ISM1: variants seen among roughly 807,000 people sequenced by gnomAD.
ISM1 encodes the protein isthmin 1, also known as isthmin-1.
ISM1 carries 25 observed loss-of-function variants against 46.3 expected under a neutral mutation model. The ratio of observed to expected loss-of-function variants is 0.54; its 90% CI spans 0.39 to 0.75. The LOEUF is 0.75. Ranked by LOEUF, ISM1 falls within the 30% of genes least tolerant of loss-of-function variation. The pLI, the probability that ISM1 is intolerant of heterozygous loss-of-function variation, is 0.00. For synonymous variants in ISM1, 255 were observed against 256.7 expected, an observed-to-expected ratio of 0.99 and a Z score of 0.06; for missense variants, 536 against 625.4, an observed-to-expected ratio of 0.86 and a Z score of 1.52.
At chr20:13,292,490 A>G (rs1411564667) in intron 5 of ISM1, 27 bp downstream of exon 5, 6 of 1,403,936 alleles carry the variant, frequency 4.3e-6, no homozygotes, top group Non-Finnish European at 5.9e-6. Context: ...TTTTAATCCA[A>G]ATATTGACTT....
At chr20:13,281,355 C>A (rs2040236421) in intron 3 of ISM1, among the ~76,000 whole-genome samples, 1 of 152,162 alleles carries the variant, frequency 6.6e-6, no homozygotes, top group Non-Finnish European at 1.5e-5. Context: ...GCTCATGAAA[C>A]CTTCACCTTT....
rs1292328079 is a variant in ISM1, at chr20:13,299,225, C to T, written c.1161C>T (p.Tyr387=). Residue 387 remains tyrosine, a synonymous_variant, in exon 6 of 6, where the codon TAC becomes TAT. Transcript: ENST00000262487. This position sits in a 1 kb window ranked among gnomAD's most constrained non-coding sequence, Gnocchi z 5.8. ...CGCTGGCGGCACAGCACTGCTGCTA[C>T]GGCGACAACATGCAGCTCATCACCA... ...STTLAAQHCC[Y]GDNMQLITRG... is the part of the protein sequence containing the mutation. 5 of 1,600,574 alleles carry T rather than the reference C, an allele frequency of 3.1e-6. No individual in the cohort carries two copies. The highest frequency in any genetic ancestry group is 1.3e-5 in the African/African-American group (1 of 74,592).
chr20:13,287,331 C>T (rs1338901446), intron 3 of ISM1, among the ~76,000 whole-genome samples: 3 of 152,126 alleles, frequency 2.0e-5, no homozygotes, highest in Non-Finnish European at 4.4e-5. Flanking sequence ...CATCAGATCT[C>T]GTGAGACTTA....
At position 13,221,586 on chromosome 20, in the gene ISM1, C is replaced by T. The variant is rs1210502183; in HGVS notation, c.-191C>T. On this transcript the variant is annotated 5_prime_UTR_variant, in exon 1 of 6. Transcript: ENST00000262487. The stretch of plus-strand genomic sequence containing the variant: ...GGCGGCGGCGGCGGCGCCGGCAGCT[C>T]CTGCTCCCCCGGCCCCGCACACCCC... Among the ~76,000 whole-genome samples the T allele has an allele frequency of 2.7e-5, 4 of 145,754 alleles. No homozygotes were observed. The highest frequency in any genetic ancestry group is 4.6e-5 in the Non-Finnish European group (3 of 65,638).
chr20:13,293,538 A>G (rs1215420720), intron 5 of ISM1, among the ~76,000 whole-genome samples: 2 of 151,930 alleles, frequency 1.3e-5, no homozygotes, highest in Non-Finnish European at 2.9e-5. Flanking sequence ...TTTGGGAGCT[A>G]ATTTGGTGAA....
At chr20:13,274,676 C>A (rs892847656) in intron 2 of ISM1, among the ~76,000 whole-genome samples, 27 of 151,846 alleles carry the variant, frequency 1.8e-4, no homozygotes, top group African/African-American at 6.5e-4. Flanking sequence ...CCCCGCCCCC[C>A]CCGCGCCCGG....
chr20:13,299,307 CACT>C lies in ISM1; in HGVS notation c.1246_1248del (p.Tyr416del). ...CAGCACCGAGTTCTCCGCGGAGCTC[CACT>C]ACAAGGTGGACGTCCTGCCCTGGAT... On this transcript the variant is annotated inframe_deletion, in exon 6 of 6. Transcript: ENST00000262487. The surrounding 1 kb of genome is among the most constrained non-coding windows in gnomAD (Gnocchi z 5.8). 1 of 1,613,770 alleles carries C rather than the reference CACT, an allele frequency of 6.2e-7. No individual in the cohort carries two copies. The highest frequency in any genetic ancestry group is 1.1e-5 in the South Asian group (1 of 91,066).
At chr20:13,288,895 C>G (rs1230756539) in intron 4 of ISM1, among the ~76,000 whole-genome samples, 2 of 152,146 alleles carry the variant, frequency 1.3e-5, no homozygotes, top group Non-Finnish European at 2.9e-5. Context: ...AGCAATTCTC[C>G]TGCCTCAGCC....
chr20:13,290,242 A>T (rs1197857385), intron 4 of ISM1, among the ~76,000 whole-genome samples: 1 of 152,134 alleles, frequency 6.6e-6, no homozygotes, highest in Non-Finnish European at 1.5e-5. Context: ...TGTAGAAATA[A>T]GCAATAAATA....
chr20:13,312,279 C>T, the ISM1 span, among the ~76,000 whole-genome samples: 41 of 152,206 alleles, frequency 2.7e-4, no homozygotes, highest in East Asian at 6.0e-3. Flanking sequence ...AGTTCACAGC[C>T]GGCATATGTG....
At chr20:13,247,518 GTGTGTGT>G (rs764280507) in intron 1 of ISM1, among the ~76,000 whole-genome samples, 17 of 58,028 alleles carry the variant, frequency 2.9e-4, no homozygotes, top group African/African-American at 1.7e-3. Context: ...AAAGTGAGGG[GTGTGTGT>G]GTGTGTGTGT....
chr20:13,229,151 T>TC (rs1491548701), intron 1 of ISM1, among the ~76,000 whole-genome samples: 6 of 109,222 alleles, frequency 5.5e-5, no homozygotes, highest in Non-Finnish European at 9.8e-5. Context: ...TCTCTCTCTC[T>TC]TTCTGCATTT....
intron 1 of ISM1, among the ~76,000 whole-genome samples, chr20:13,244,854 T>C (rs1446366836): frequency 1.3e-5 from 2 of 152,230 alleles, no homozygotes; most frequent in Non-Finnish European, 2.9e-5. Flanking sequence ...CTGGTGTATA[T>C]GGCATTAATT....
the ISM1 span, among the ~76,000 whole-genome samples, chr20:13,318,425 C>T: frequency 1.5e-4 from 23 of 151,894 alleles, no homozygotes; most frequent in African/African-American, 5.6e-4. Flanking sequence ...TTGATGTTTG[C>T]TTATGAAATT....
intron 1 of ISM1, among the ~76,000 whole-genome samples, chr20:13,230,305 TC>T (rs1456596894): frequency 6.6e-6 from 1 of 152,254 alleles, no homozygotes; most frequent in Non-Finnish European, 1.5e-5. Context: ...CACTTTTTTT[TC>T]TTCCCAGAGT....
At chr20:13,254,350 T>C (rs1168060817) in intron 1 of ISM1, among the ~76,000 whole-genome samples, 2 of 152,144 alleles carry the variant, frequency 1.3e-5, no homozygotes, top group East Asian at 3.8e-4. Context: ...TATAAACAGA[T>C]GTATATACAA....
intron 1 of ISM1, among the ~76,000 whole-genome samples, chr20:13,240,447 A>G (rs2039706567): frequency 1.3e-5 from 2 of 152,220 alleles, no homozygotes; most frequent in Admixed American, 1.3e-4. Context: ...AACTCAGGAG[A>G]GCCAGTCAGG....
intron 2 of ISM1, among the ~76,000 whole-genome samples, chr20:13,279,209 A>G (rs556132112): frequency 6.6e-6 from 1 of 152,324 alleles, no homozygotes; most frequent in African/African-American, 2.4e-5. Context: ...ATGTTTTATT[A>G]TAATATGATT....
At chr20:13,223,143 C>T (rs1600470126) in intron 1 of ISM1, among the ~76,000 whole-genome samples, 2 of 147,248 alleles carry the variant, frequency 1.4e-5, no homozygotes, top group East Asian at 2.0e-4. Context: ...GGCGACAGAG[C>T]GAGACTCCGT....
Sources: allele counts gnomAD v4.1 joint callset (sites outside exome capture counted in the v4.1 genomes callset), GRCh38; gene constraint gnomAD v4.1.1; non-coding constraint Gnocchi (gnomAD v3.1); transcripts MANE v1.5; gene names NCBI Gene and HGNC (gene_info 2026-07-23, HGNC 2026-07-21).